Variants in MOB3B observed in about 807,000 individuals in gnomAD.
MOB3B encodes MOB kinase activator 3B.
A neutral mutation model predicts 18.7 loss-of-function variants in MOB3B; 7 were observed. The observed-to-expected ratio is 0.37, with a 90% CI of 0.21 to 0.70. The LOEUF is 0.70. Among genes scored for constraint, MOB3B ranks in the 30% least tolerant of loss-of-function variants. The pLI is 0.52. For synonymous variants in MOB3B, 111 were observed against 99.9 expected, an observed-to-expected ratio of 1.11 and a Z score of -0.66; for missense variants, 253 against 281.3, an observed-to-expected ratio of 0.90 and a Z score of 0.72.
At chr9:27,368,647 A>C (rs867626403) in intron 2 of MOB3B, among the ~76,000 whole-genome samples, 27 of 151,744 alleles carry the variant, frequency 1.8e-4, no homozygotes, top group African/African-American at 5.6e-4. Context: ...CTGTTTTCCA[A>C]CTCCCTCCCT....
chr9:27,339,271 AT>A (rs1820907362), intron 3 of MOB3B, among the ~76,000 whole-genome samples: 1 of 152,110 alleles, frequency 6.6e-6, no homozygotes, highest in South Asian at 2.1e-4. Context: ...TTTAGGAACT[AT>A]TTTTTTGTAA....
intron 2 of MOB3B, among the ~76,000 whole-genome samples, chr9:27,413,272 G>C (rs539599900): frequency 1.3e-5 from 2 of 152,234 alleles, no homozygotes; most frequent in South Asian, 4.1e-4. Flanking sequence ...CTTATTTTTG[G>C]AAGGTTATTA....
intron 2 of MOB3B, among the ~76,000 whole-genome samples, chr9:27,373,175 A>G (rs56799759): frequency 6.6e-6 from 1 of 152,066 alleles, no homozygotes; most frequent in Admixed American, 6.5e-5. Context: ...CCCCTTGTTT[A>G]GAAATTATTA....
intron 2 of MOB3B, among the ~76,000 whole-genome samples, chr9:27,392,518 A>G (rs954734380): frequency 2.6e-5 from 4 of 152,190 alleles, no homozygotes; most frequent in African/African-American, 9.7e-5. Context: ...AAGTCTCACT[A>G]ACTCTCACTC....
At chr9:27,477,442 C>G (rs1819571077) in intron 1 of MOB3B, among the ~76,000 whole-genome samples, 1 of 152,338 alleles carries the variant, frequency 6.6e-6, no homozygotes, top group African/African-American at 2.4e-5. Context: ...CTTCATCGCT[C>G]CAGCTGATTT....
intron 2 of MOB3B, among the ~76,000 whole-genome samples, chr9:27,401,626 C>T (rs1821881226): frequency 6.6e-6 from 1 of 152,204 alleles, no homozygotes; most frequent in African/African-American, 2.4e-5. Flanking sequence ...TCCCTGGTGG[C>T]TGTGGCAGTC....
At chr9:27,477,443 C>T (rs937463095) in intron 1 of MOB3B, among the ~76,000 whole-genome samples, 1 of 152,176 alleles carries the variant, frequency 6.6e-6, no homozygotes, top group African/African-American at 2.4e-5. Context: ...TTCATCGCTC[C>T]AGCTGATTTT....
At chr9:27,417,947 C>G (rs1587197799) in intron 2 of MOB3B, among the ~76,000 whole-genome samples, 1 of 151,850 alleles carries the variant, frequency 6.6e-6, no homozygotes, top group Admixed American at 6.6e-5. Flanking sequence ...CAAAAATTAG[C>G]TGGGTGTGGT....
intron 1 of MOB3B, among the ~76,000 whole-genome samples, chr9:27,475,438 A>G (rs1278507378): frequency 1.3e-5 from 2 of 152,270 alleles, no homozygotes; most frequent in African/African-American, 4.8e-5. Context: ...TAGATAAATC[A>G]TACAGCTGTT....
At chr9:27,426,159 G>C (rs990190471) in intron 2 of MOB3B, among the ~76,000 whole-genome samples, 2 of 152,114 alleles carry the variant, frequency 1.3e-5, no homozygotes, top group Non-Finnish European at 2.9e-5. Context: ...CAGAGACTTA[G>C]TAAGCCAGGA....
intron 2 of MOB3B, among the ~76,000 whole-genome samples, chr9:27,386,327 A>G (rs973212493): frequency 3.9e-5 from 6 of 152,250 alleles, no homozygotes; most frequent in African/African-American, 1.4e-4. Flanking sequence ...CAGTATTATC[A>G]TTATTATTGA....
chr9:27,461,651 A>G (rs1423078096), intron 1 of MOB3B, among the ~76,000 whole-genome samples: 2 of 152,198 alleles, frequency 1.3e-5, no homozygotes, highest in South Asian at 4.1e-4. Flanking sequence ...CTAGCTCTTC[A>G]ATGGTCGTTT....
intron 3 of MOB3B, among the ~76,000 whole-genome samples, chr9:27,336,063 G>A (rs1168639971): frequency 1.3e-5 from 2 of 152,184 alleles, no homozygotes; most frequent in Non-Finnish European, 2.9e-5. Flanking sequence ...TCATACCTAC[G>A]ATGGGGAAGG....
intron 2 of MOB3B, among the ~76,000 whole-genome samples, chr9:27,452,138 C>A (rs1438077658): frequency 6.6e-6 from 1 of 152,168 alleles, no homozygotes; most frequent in Non-Finnish European, 1.5e-5. Context: ...GCTCTGATCA[C>A]CAGAATCATC....
intron 3 of MOB3B, among the ~76,000 whole-genome samples, chr9:27,355,773 A>T (rs919754049): frequency 6.6e-6 from 1 of 152,084 alleles, no homozygotes; most frequent in African/African-American, 2.4e-5. Context: ...CGTGTTAGCC[A>T]GGATGGTCTC....
chr9:27,481,496 A>AG, intron 1 of MOB3B, among the ~76,000 whole-genome samples: 2 of 97,254 alleles, frequency 2.1e-5, no homozygotes, highest in African/African-American at 3.7e-5. Context: ...TAAGGAAGGT[A>AG]GTTTTTTTTT....
chr9:27,365,658 T>C (rs912731196), intron 2 of MOB3B, among the ~76,000 whole-genome samples: 1 of 152,208 alleles, frequency 6.6e-6, no homozygotes, highest in Non-Finnish European at 1.5e-5. Context: ...CTCTCTATCC[T>C]ACCCTGAGCT....
At chr9:27,468,413 T>C (rs1819417893) in intron 1 of MOB3B, among the ~76,000 whole-genome samples, 1 of 152,184 alleles carries the variant, frequency 6.6e-6, no homozygotes, top group Admixed American at 6.6e-5. Context: ...ATAAGGCCTC[T>C]CCCTTGCCCA....
At chr9:27,463,531 G>A (rs566192689) in intron 1 of MOB3B, among the ~76,000 whole-genome samples, 5 of 152,260 alleles carry the variant, frequency 3.3e-5, no homozygotes, top group East Asian at 1.9e-4. Context: ...ATTGTCATGT[G>A]CCACTCCAGA....
Sources: allele counts gnomAD v4.1 joint callset (sites outside exome capture counted in the v4.1 genomes callset), GRCh38; gene constraint gnomAD v4.1.1; transcripts MANE v1.5; gene names NCBI Gene and HGNC (gene_info 2026-07-23, HGNC 2026-07-21).